STXBP4: variants seen among roughly 807,000 people sequenced by gnomAD.
The protein encoded by STXBP4 is syntaxin binding protein 4, also known as syntaxin-binding protein 4.
STXBP4 carries 55 observed loss-of-function variants against 76.1 expected under a neutral mutation model. The ratio of observed to expected loss-of-function variants is 0.72; its 90% CI spans 0.58 to 0.91. The LOEUF (loss-of-function observed/expected upper bound fraction) is 0.91. STXBP4 is among the 40% of genes least tolerant of loss of function. STXBP4 has a pLI of 0.00. For missense variants in STXBP4, 618 were observed against 636.9 expected (o/e 0.97, Z 0.32); for synonymous variants, 201 against 220.2 (o/e 0.91, Z 0.77).
downstream of STXBP4, among the ~76,000 whole-genome samples, chr17:55,175,247 A>T (rs1282828530): frequency 6.6e-6 from 1 of 152,230 alleles, no homozygotes; most frequent in Non-Finnish European, 1.5e-5. Flanking sequence ...AGATGTATAG[A>T]TACCAAATCT....
At chr17:54,974,744 T>G (rs1338129530) in intron 1 of STXBP4, among the ~76,000 whole-genome samples, 1 of 152,222 alleles carries the variant, frequency 6.6e-6, no homozygotes, top group Non-Finnish European at 1.5e-5. Context: ...TTTATTGAAG[T>G]GGCATTGTAC....
rs932616794 is a variant in STXBP4 at position 55,163,063 on chromosome 17, T to C, written c.*3152T>C. 2 of 152,208 alleles carry C rather than the reference T, an allele frequency of 1.3e-5. No homozygotes were observed. The highest frequency in any genetic ancestry group is 4.8e-5 in the African/African-American group (2 of 41,450). 9.4% of individuals were successfully genotyped at this position (152,208 alleles called of 1,614,324 possible). A position where few individuals can be genotyped will look rare whatever the true frequency, so the allele number is the denominator to read the frequency against. The stretch of plus-strand genomic sequence containing the variant: ...CATTCATAAATTTCTTGATCAAAGC[T>C]AGGTCAAAGTTACATTCATTTTAAT... On this transcript the variant is annotated 3_prime_UTR_variant, in exon 18 of 18. Coordinates refer to ENST00000376352, the MANE Select transcript of STXBP4 (RefSeq NM_178509.6).
At chr17:55,072,041 G>A (rs755340474) in intron 12 of STXBP4, among the ~76,000 whole-genome samples, 5 of 152,096 alleles carry the variant, frequency 3.3e-5, no homozygotes, top group Non-Finnish European at 7.4e-5. Flanking sequence ...AGTGGTTTTG[G>A]CTACCCTTTC....
At chr17:55,120,227 G>T (rs2079828261) in intron 16 of STXBP4, among the ~76,000 whole-genome samples, 1 of 152,096 alleles carries the variant, frequency 6.6e-6, no homozygotes, top group Admixed American at 6.6e-5. Flanking sequence ...TATACATTTA[G>T]CTGCAAGCAT....
intron 10 of STXBP4, among the ~76,000 whole-genome samples, chr17:55,038,766 T>A (rs1385434197): frequency 6.6e-6 from 1 of 151,864 alleles, no homozygotes; most frequent in Non-Finnish European, 1.5e-5. Context: ...AAGTACTGTA[T>A]CATTAATGGA....
At chr17:55,183,195 A>G in the STXBP4 span, among the ~76,000 whole-genome samples, 2 of 152,234 alleles carry the variant, frequency 1.3e-5, no homozygotes, top group African/African-American at 2.4e-5. Flanking sequence ...ACCAAGCAGC[A>G]TTAGCCTTTA....
In STXBP4 at chr17:54,987,338, A is replaced by G. The variant is rs563922063; in HGVS notation, c.47+1072A>G. ...TTTGGTTAAGCCAATGCATATATAT[A>G]AAAATAAATATACACATATGTATGT... On this transcript the variant is annotated intron_variant, in intron 3 of 17. Coordinates refer to ENST00000376352, the MANE Select transcript of STXBP4 (RefSeq NM_178509.6). Among the ~76,000 whole-genome samples, 15 of 152,308 alleles carry G rather than the reference A, an allele frequency of 9.8e-5. No homozygotes were observed. The East Asian group carries it at 2.9e-3, about 29-fold the overall frequency.
intron 7 of STXBP4, among the ~76,000 whole-genome samples, chr17:55,003,217 G>C (rs775979154): frequency 2.0e-5 from 3 of 152,314 alleles, no homozygotes; most frequent in Non-Finnish European, 4.4e-5. Flanking sequence ...AGAGTCAGGT[G>C]TGATTAGAGC....
intron 12 of STXBP4, among the ~76,000 whole-genome samples, chr17:55,048,739 C>G (rs1371972852): frequency 6.6e-6 from 1 of 151,692 alleles, no homozygotes; most frequent in Non-Finnish European, 1.5e-5. Flanking sequence ...AGAATATAAT[C>G]AAGTGAAAAG....
intron 16 of STXBP4, among the ~76,000 whole-genome samples, chr17:55,098,833 A>C (rs964822816): frequency 7.2e-5 from 11 of 151,804 alleles, no homozygotes; most frequent in African/African-American, 2.7e-4. Flanking sequence ...TTTATTTTCT[A>C]CCTCCTTTAG....
At chr17:55,072,541 A>G (rs2079133691) in intron 12 of STXBP4, among the ~76,000 whole-genome samples, 2 of 152,150 alleles carry the variant, frequency 1.3e-5, no homozygotes, top group East Asian at 1.9e-4. Flanking sequence ...TTTTTAGAAC[A>G]TGAGTCCTAC....
At chr17:54,993,067 A>T (rs1165474803) in intron 4 of STXBP4, among the ~76,000 whole-genome samples, 1 of 152,030 alleles carries the variant, frequency 6.6e-6, no homozygotes, top group African/African-American at 2.4e-5. Context: ...TACGATGAAA[A>T]CTATTTGGAG....
Position 55,043,293 on chromosome 17 carries a change from G to C in STXBP4, c.913G>C (p.Asp305His). 1 of 1,537,026 alleles carries C rather than the reference G, an allele frequency of 6.5e-7. No homozygotes were observed. Residue 305 changes from aspartate (D) to histidine (H), a missense_variant, in exon 11 of 18, where the codon GAT becomes CAT. Physicochemically the swap from Asp to His is moderately conservative, Grantham distance 81. Coordinates refer to ENST00000376352, the MANE Select transcript of STXBP4 (RefSeq NM_178509.6). ...AATGGAAAGGCTCAAGTGTGAAAGA[G>C]ATGATGCCTTGAAAGAAGTAAATAC... The part of the protein sequence containing the change: ...DEMERLKCER[D>H]DALKEVNTLK...
intron 1 of STXBP4, among the ~76,000 whole-genome samples, chr17:54,980,864 T>A (rs1193251468): frequency 6.6e-6 from 1 of 152,210 alleles, no homozygotes; most frequent in Non-Finnish European, 1.5e-5. Flanking sequence ...GGGCTGCATG[T>A]GGCCCAGGAC....
At chr17:55,034,295 TAA>T in intron 10 of STXBP4, 36 bp downstream of exon 10, 1 of 1,468,242 alleles carries the variant, frequency 6.8e-7, no homozygotes, top group Admixed American at 1.8e-5. Context: ...TTGACATGTA[TAA>T]GTCACAAGTC....
chr17:55,017,305 G>A (rs1014668309), intron 8 of STXBP4, among the ~76,000 whole-genome samples: 3 of 151,986 alleles, frequency 2.0e-5, no homozygotes, highest in African/African-American at 7.3e-5. Flanking sequence ...CAAACTTGGG[G>A]CCCTGGCAAG....
intron 16 of STXBP4, among the ~76,000 whole-genome samples, chr17:55,139,777 T>C (rs973030494): frequency 2.6e-5 from 4 of 152,134 alleles, no homozygotes; most frequent in African/African-American, 9.7e-5. Flanking sequence ...GAGGAACATT[T>C]GTTCATTAAG....
chr17:55,065,166 G>A (rs925745254), intron 12 of STXBP4, among the ~76,000 whole-genome samples: 4 of 152,032 alleles, frequency 2.6e-5, no homozygotes, highest in African/African-American at 9.7e-5. Flanking sequence ...TCTTTGGCCA[G>A]TACCAACTAT....
downstream of STXBP4, among the ~76,000 whole-genome samples, chr17:55,175,513 C>A (rs1255492569): frequency 1.3e-5 from 2 of 152,056 alleles, no homozygotes; most frequent in Admixed American, 1.3e-4. Flanking sequence ...AGTCAGAAAC[C>A]CTGCAGGAAA....
Sources: gnomAD v4.1 joint callset for allele counts (sites outside exome capture counted in the v4.1 genomes callset) on GRCh38, gnomAD v4.1.1 for gene constraint, MANE v1.5 for transcripts, NCBI Gene and HGNC (gene_info 2026-07-23, HGNC 2026-07-21) for gene names.